Variants in GPC6 observed in about 807,000 individuals in gnomAD.
GPC6 encodes the protein glypican-6.
A neutral mutation model predicts 55.2 loss-of-function variants in GPC6; 14 were observed. That is an observed-to-expected ratio of 0.25 (90% CI 0.17 to 0.40). The LOEUF (loss-of-function observed/expected upper bound fraction) is 0.40. Among genes scored for constraint, GPC6 ranks in the 10% least tolerant of loss-of-function variants. The pLI is 1.00. For missense variants in GPC6, 641 were observed against 708.5 expected (o/e 0.90, Z 1.08); for synonymous variants, 278 against 259.6 (o/e 1.07, Z -0.68).
intron 2 of GPC6, among the ~76,000 whole-genome samples, chr13:93,597,601 A>G (rs938711179): frequency 6.6e-6 from 1 of 152,288 alleles, no homozygotes; most frequent in Non-Finnish European, 1.5e-5. Context: ...TAAGACCGCA[A>G]GACCAACCCC....
At chr13:94,278,444 T>C (rs1488774713) in intron 4 of GPC6, among the ~76,000 whole-genome samples, 3 of 152,186 alleles carry the variant, frequency 2.0e-5, no homozygotes, top group Non-Finnish European at 2.9e-5. Flanking sequence ...TCCTGCCTAA[T>C]TGCCCTGGCC....
At chr13:93,437,659 G>A (rs1877623700) in intron 1 of GPC6, among the ~76,000 whole-genome samples, 1 of 152,112 alleles carries the variant, frequency 6.6e-6, no homozygotes, top group South Asian at 2.1e-4. Context: ...AGCTAGCAGA[G>A]GTTCATGATA....
At chr13:93,267,261 T>C (rs1877354779) in intron 1 of GPC6, among the ~76,000 whole-genome samples, 2 of 152,134 alleles carry the variant, frequency 1.3e-5, no homozygotes, top group South Asian at 2.1e-4. Context: ...AAATGCAATT[T>C]TCTCTTAAAT....
chr13:93,286,919 C>G (rs1359926337), intron 1 of GPC6, among the ~76,000 whole-genome samples: 1 of 152,074 alleles, frequency 6.6e-6, no homozygotes, highest in Non-Finnish European at 1.5e-5. Flanking sequence ...TTTTGAGTTC[C>G]CACATGACAC....
chr13:94,152,821 C>T (rs1887791819), intron 4 of GPC6, among the ~76,000 whole-genome samples: 1 of 152,064 alleles, frequency 6.6e-6, no homozygotes. Flanking sequence ...TAAACGGGAG[C>T]TTTTTAACTC....
intron 1 of GPC6, among the ~76,000 whole-genome samples, chr13:93,524,139 T>G (rs1040979047): frequency 1.3e-5 from 2 of 151,912 alleles, no homozygotes; most frequent in Non-Finnish European, 2.9e-5. Context: ...TAGTAAAACT[T>G]AAAGACAAAA....
At chr13:94,307,656 A>C (rs1171625297) in intron 6 of GPC6, among the ~76,000 whole-genome samples, 1 of 152,238 alleles carries the variant, frequency 6.6e-6, no homozygotes, top group Non-Finnish European at 1.5e-5. Flanking sequence ...AAGTTTAAAA[A>C]TAGTCACCAT....
At chr13:93,324,587 C>CATATATATATATATATATATAT (rs34871661) in intron 1 of GPC6, among the ~76,000 whole-genome samples, 98 of 122,822 alleles carry the variant, frequency 8.0e-4, no homozygotes, top group Admixed American at 4.0e-3. Context: ...CACATACATA[C>CATATATATATATATATATATAT]ATATATATAT....
chr13:93,799,700 A>G (rs1044397741), intron 2 of GPC6, among the ~76,000 whole-genome samples: 5 of 152,192 alleles, frequency 3.3e-5, no homozygotes, highest in Non-Finnish European at 7.3e-5. Context: ...ATAAATGCCT[A>G]TGATTAAGTG....
At chr13:93,693,722 A>G (rs1882346909) in intron 2 of GPC6, among the ~76,000 whole-genome samples, 2 of 152,092 alleles carry the variant, frequency 1.3e-5, no homozygotes, top group African/African-American at 4.8e-5. Flanking sequence ...CCTGGGTTCA[A>G]GTGATCCACT....
chr13:93,756,426 G>C (rs1393711431), intron 2 of GPC6, among the ~76,000 whole-genome samples: 2 of 152,122 alleles, frequency 1.3e-5, no homozygotes, highest in African/African-American at 4.8e-5. Flanking sequence ...GCTGGTCAGA[G>C]GCCATCTACA....
At chr13:94,357,167 G>A (rs958143031) in intron 6 of GPC6, among the ~76,000 whole-genome samples, 1 of 152,136 alleles carries the variant, frequency 6.6e-6, no homozygotes, top group Admixed American at 6.5e-5. Flanking sequence ...ATAAAACCCT[G>A]TAGGATCTCC....
chr13:93,322,821 G>A (rs972819549), intron 1 of GPC6, among the ~76,000 whole-genome samples: 33 of 151,896 alleles, frequency 2.2e-4, no homozygotes, highest in Admixed American at 1.6e-3. Context: ...TAAGTTCTGG[G>A]GTATATGTGC....
chr13:93,476,843 G>T (rs1022966996), intron 1 of GPC6, among the ~76,000 whole-genome samples: 16 of 152,032 alleles, frequency 1.1e-4, no homozygotes, highest in African/African-American at 3.9e-4. Flanking sequence ...AATATGCTAT[G>T]TACAAATATT....
intron 1 of GPC6, among the ~76,000 whole-genome samples, chr13:93,453,650 G>A (rs1566365585): frequency 6.6e-6 from 1 of 151,522 alleles, no homozygotes; most frequent in East Asian, 2.0e-4. Context: ...CGGTCTCACT[G>A]GCTCAGGAGT....
chr13:93,535,614 A>G (rs1478760661), intron 1 of GPC6, among the ~76,000 whole-genome samples: 2 of 151,064 alleles, frequency 1.3e-5, no homozygotes, highest in African/African-American at 2.4e-5. Flanking sequence ...TTCCCCAACC[A>G]TGGCTCACAG....
chr13:94,172,886 A>G (rs1888621485), intron 4 of GPC6, among the ~76,000 whole-genome samples: 1 of 152,186 alleles, frequency 6.6e-6, no homozygotes, highest in Non-Finnish European at 1.5e-5. Context: ...GACACTGCCA[A>G]TGACTGTTCC....
intron 6 of GPC6, among the ~76,000 whole-genome samples, chr13:94,374,181 A>G (rs1054872788): frequency 1.1e-4 from 16 of 151,004 alleles, no homozygotes; most frequent in Middle Eastern, 3.2e-3. Context: ...ACCAGCTAAC[A>G]TCATAATGAC....
chr13:93,722,810 G>A (rs908585805), intron 2 of GPC6, among the ~76,000 whole-genome samples: 1 of 151,676 alleles, frequency 6.6e-6, no homozygotes, highest in Non-Finnish European at 1.5e-5. Flanking sequence ...GCAATTCTTG[G>A]TATTCCTCGA....
Sources: allele counts gnomAD v4.1 joint callset (sites outside exome capture counted in the v4.1 genomes callset), GRCh38; gene constraint gnomAD v4.1.1; transcripts MANE v1.5; gene names NCBI Gene and HGNC (gene_info 2026-07-23, HGNC 2026-07-21).